The following FANCC variants were observed in gnomAD, a reference collection of about 807,000 sequenced individuals.
FANCC encodes the protein Fanconi anemia group C protein.
A neutral mutation model predicts 71.3 loss-of-function variants in FANCC; 55 were observed. That is an observed-to-expected ratio of 0.77 (90% CI 0.62 to 0.97). The LOEUF (loss-of-function observed/expected upper bound fraction) is 0.97, where lower values mean the gene tolerates loss of function less well. Among genes scored for constraint, FANCC ranks in the 50% least tolerant of loss-of-function variants. FANCC has a pLI of 0.00. For missense variants in FANCC, 678 were observed against 670.9 expected (o/e 1.01, Z -0.12); for synonymous variants, 275 against 244.9 (o/e 1.12, Z -1.15).
chr9:95,293,390 C>T, intron 1 of FANCC: 4 of 1,582,702 alleles, frequency 2.5e-6, no homozygotes, highest in Non-Finnish European at 3.4e-6. Flanking sequence ...CAGTAGGAAC[C>T]CTGATCCTCG....
At chr9:95,272,996 G>A (rs1832826071) in intron 1 of FANCC, among the ~76,000 whole-genome samples, 1 of 152,088 alleles carries the variant, frequency 6.6e-6, no homozygotes, top group Non-Finnish European at 1.5e-5. Flanking sequence ...CATCCATCCC[G>A]TTAGAACCCC....
intron 6 of FANCC, among the ~76,000 whole-genome samples, chr9:95,157,777 G>T (rs1014525374): frequency 2.6e-5 from 4 of 152,230 alleles, no homozygotes; most frequent in Non-Finnish European, 5.9e-5. Context: ...AAGGTTATCA[G>T]TTGGCCTGCC....
intron 1 of FANCC, among the ~76,000 whole-genome samples, chr9:95,298,217 G>C (rs1396236774): frequency 6.6e-6 from 1 of 151,986 alleles, no homozygotes; most frequent in Non-Finnish European, 1.5e-5. Context: ...ATTTAGATCA[G>C]ACATAGTAAA....
chr9:95,263,507 T>A (rs1285344147), intron 1 of FANCC, among the ~76,000 whole-genome samples: 1 of 147,508 alleles, frequency 6.8e-6, no homozygotes, highest in Non-Finnish European at 1.5e-5. Flanking sequence ...TATGTGTATA[T>A]ATATATATAT....
chr9:95,127,194 T>C (rs910246320), intron 8 of FANCC: 1 of 153,068 alleles, frequency 6.5e-6, no homozygotes, highest in African/African-American at 2.4e-5. Context: ...GTTCTGATTA[T>C]TTGAGTCTGC....
rs4647547 is a variant in FANCC at position 95,106,173 on chromosome 9, G to A, written c.1533+893C>T. Among the ~76,000 whole-genome samples, 449 of 152,230 alleles carry A rather than the reference G, an allele frequency of 2.9e-3. 1 individual carries two copies. Among genetic ancestry groups the A allele is most frequent in the Middle Eastern group, 0.02 (6 of 294 alleles). On this transcript the variant is annotated intron_variant, in intron 14 of 14. Transcript: ENST00000289081. ...ACAGCCATCCTGATGGCTGTGCAGT[G>A]CATCTCGCTGCACTTTGCCTTTCCC...
At chr9:95,196,400 G>A (rs1213877364) in intron 4 of FANCC, among the ~76,000 whole-genome samples, 1 of 152,034 alleles carries the variant, frequency 6.6e-6, no homozygotes, top group Non-Finnish European at 1.5e-5. Context: ...GGATTACACT[G>A]ATTGATTTAT....
At chr9:95,180,493 T>A (rs1267271805) in intron 4 of FANCC, among the ~76,000 whole-genome samples, 1 of 151,930 alleles carries the variant, frequency 6.6e-6, no homozygotes, top group Non-Finnish European at 1.5e-5. Flanking sequence ...AAGCTGAGGC[T>A]TATTTTTTAA....
At chr9:95,317,004 C>T (rs1308270938) in intron 1 of FANCC, 1 of 152,278 alleles carries the variant, frequency 6.6e-6, no homozygotes, top group Non-Finnish European at 1.5e-5. Context: ...TCCTGGCGCC[C>T]CGGCGAATGG....
At chr9:95,136,315 C>CT (rs770679404) in intron 7 of FANCC, among the ~76,000 whole-genome samples, 1 of 152,094 alleles carries the variant, frequency 6.6e-6, no homozygotes, top group Non-Finnish European at 1.5e-5. Context: ...AGGAGGATCG[C>CT]TAGAGCCCAG....
intron 6 of FANCC, among the ~76,000 whole-genome samples, chr9:95,160,026 G>A (rs1436777493): frequency 6.6e-6 from 1 of 152,136 alleles, no homozygotes; most frequent in African/African-American, 2.4e-5. Context: ...AAGCTCTTTA[G>A]TTTAATTAGA....
At chr9:95,227,652 T>G (rs1488214771) in intron 4 of FANCC, among the ~76,000 whole-genome samples, 1 of 152,186 alleles carries the variant, frequency 6.6e-6, no homozygotes, top group East Asian at 1.9e-4. Context: ...TGATTTATAT[T>G]TACATATGTG....
At chr9:95,121,545 C>A (rs963961109) in intron 10 of FANCC, among the ~76,000 whole-genome samples, 4 of 152,198 alleles carry the variant, frequency 2.6e-5, no homozygotes, top group Non-Finnish European at 5.9e-5. Flanking sequence ...GTGTCCAGAG[C>A]AACATTGTTT....
intron 1 of FANCC, among the ~76,000 whole-genome samples, chr9:95,288,221 AAGCAGGATTTTATT>A (rs1164386493): frequency 6.6e-6 from 1 of 152,206 alleles, no homozygotes; most frequent in East Asian, 1.9e-4. Context: ...ATAATTTGTA[AAGCAGGATTTTATT>A]TACAATTTCA....
chr9:95,178,118 T>A (rs1826125119), intron 4 of FANCC, among the ~76,000 whole-genome samples: 1 of 152,080 alleles, frequency 6.6e-6, no homozygotes, highest in African/African-American at 2.4e-5. Flanking sequence ...ATTCTTCCAA[T>A]GTAGCCCAGG....
chr9:95,259,377 G>A (rs1335580233), intron 1 of FANCC, among the ~76,000 whole-genome samples: 2 of 152,140 alleles, frequency 1.3e-5, no homozygotes, highest in Admixed American at 6.6e-5. Flanking sequence ...AGAGGCCTCA[G>A]AAATAACGCC....
At chr9:95,111,671 A>G in intron 12 of FANCC, 34 bp from the exon 13 acceptor site, 1 of 1,613,560 alleles carries the variant, frequency 6.2e-7, no homozygotes, top group Non-Finnish European at 8.5e-7. Context: ...GCAGTTGACA[A>G]CCTAAATTCT....
intron 4 of FANCC, among the ~76,000 whole-genome samples, chr9:95,184,512 G>A (rs1166870300): frequency 6.6e-6 from 1 of 152,122 alleles, no homozygotes; most frequent in Non-Finnish European, 1.5e-5. Context: ...CAGCAAAGAA[G>A]ATTCGTGTTA....
At chr9:95,140,800 C>A (rs563027708) in intron 7 of FANCC, among the ~76,000 whole-genome samples, 1 of 152,114 alleles carries the variant, frequency 6.6e-6, no homozygotes, top group South Asian at 2.1e-4. Context: ...CTGATCTAAG[C>A]AATGCATCAT....
Sources: allele counts gnomAD v4.1 joint callset (sites outside exome capture counted in the v4.1 genomes callset), GRCh38; gene constraint gnomAD v4.1.1; transcripts MANE v1.5; gene names NCBI Gene and HGNC (gene_info 2026-07-23, HGNC 2026-07-21).